BCKDHB: variants seen among roughly 807,000 people sequenced by gnomAD.
BCKDHB encodes branched chain keto acid dehydrogenase E1 subunit beta.
In BCKDHB, 41 loss-of-function variants were observed where a neutral mutation model predicts 48.5. That is an observed-to-expected ratio of 0.85 (90% CI 0.66 to 1.10). BCKDHB has a LOEUF of 1.10. Among genes scored for constraint, BCKDHB ranks in the 50% least tolerant of loss-of-function variants. BCKDHB has a pLI of 0.00. For missense variants in BCKDHB, 496 were observed against 494.2 expected (o/e 1.00, Z -0.03); for synonymous variants, 201 against 174.8 (o/e 1.15, Z -1.18).
Position 80,196,100 on chromosome 6 carries a change from G to A in BCKDHB, c.743-4834G>A, listed in dbSNP as rs1205228688. On this transcript the variant is annotated intron_variant, in intron 6 of 9. Transcript: ENST00000320393. ...AATAGTGTGCTTCACAGGGAAACTT[G>A]TGTTGTTAAGAGTGAGTTGTTATTT... Among the ~76,000 whole-genome samples the A allele has an allele frequency of 2.0e-5, 3 of 152,258 alleles. No individual in the cohort carries two copies. The East Asian group carries it at 5.8e-4, about 29-fold the overall frequency.
rs537680144 is a variant in BCKDHB at position 80,112,949 on chromosome 6, G to A, written c.196+6060G>A. 8.5e-5 allele frequency among the ~76,000 whole-genome samples: 13 copies of A among 152,274 alleles called. No individual in the cohort carries two copies. The South Asian group carries it at 2.1e-3, about 24-fold the overall frequency. ...AAGACCATGCTTTCCCTTGCTTCCCGTTCCACTAGAGTGTTAGCCATGAAC... is the reference window on the plus strand; with the variant it reads ...AAGACCATGCTTTCCCTTGCTTCCCATTCCACTAGAGTGTTAGCCATGAAC... On this transcript the variant is annotated intron_variant, in intron 1 of 9. Transcript: ENST00000320393.
intron 9 of BCKDHB, among the ~76,000 whole-genome samples, chr6:80,339,497 A>T (rs1034099720): frequency 6.6e-6 from 1 of 152,202 alleles, no homozygotes; most frequent in Admixed American, 6.5e-5. Flanking sequence ...GACTTTAATG[A>T]TTTGGAATTG....
Position 80,254,214 on chromosome 6 carries a change from T to C in BCKDHB, c.952-18921T>C, listed in dbSNP as rs1776954689. 2.0e-5 allele frequency among the ~76,000 whole-genome samples: 3 copies of C among 150,384 alleles called. No individual in the cohort carries two copies. In the East Asian group the frequency reaches 5.8e-4, roughly 29 times the overall value. On this transcript the variant is annotated intron_variant, in intron 8 of 9. Coordinates refer to ENST00000320393, the MANE Select transcript of BCKDHB (RefSeq NM_183050.4). Reference sequence around the variant, plus strand: ...TTTATTTACTTTATTATTTTATTATTATTTACTTTATTTCTATTTTATCCT... The same window carrying C: ...TTTATTTACTTTATTATTTTATTATCATTTACTTTATTTCTATTTTATCCT...
At chr6:80,112,711 C>G (rs987592343) in intron 1 of BCKDHB, among the ~76,000 whole-genome samples, 2 of 152,210 alleles carry the variant, frequency 1.3e-5, no homozygotes, top group African/African-American at 4.8e-5. Context: ...AGAACCTCTG[C>G]CGAGGGCGTC....
At chr6:80,442,721 G>A in the BCKDHB span, among the ~76,000 whole-genome samples, 1 of 152,114 alleles carries the variant, frequency 6.6e-6, no homozygotes, top group South Asian at 2.1e-4. Flanking sequence ...AGCTAGTGAG[G>A]GGAGAGTATC....
At chr6:80,225,012 T>G (rs1021401947) in intron 8 of BCKDHB, among the ~76,000 whole-genome samples, 4 of 152,228 alleles carry the variant, frequency 2.6e-5, no homozygotes, top group Non-Finnish European at 5.9e-5. Flanking sequence ...TTTCTCTAAC[T>G]TCCACCTATT....
At chr6:80,422,393 G>A in the BCKDHB span, among the ~76,000 whole-genome samples, 1 of 152,178 alleles carries the variant, frequency 6.6e-6, no homozygotes, top group South Asian at 2.1e-4. Context: ...AACCTCTAGG[G>A]CAATGCAGAG....
downstream of BCKDHB, among the ~76,000 whole-genome samples, chr6:80,348,051 A>T (rs1007051453): frequency 6.6e-6 from 1 of 152,156 alleles, no homozygotes. Flanking sequence ...AGGAAAAAAT[A>T]TAATAACTGC....
chr6:80,420,891 C>A, the BCKDHB span, among the ~76,000 whole-genome samples: 6 of 152,236 alleles, frequency 3.9e-5, no homozygotes, highest in Non-Finnish European at 8.8e-5. Flanking sequence ...CCAAAGTGAT[C>A]TCTCTTAGAA....
the BCKDHB span, among the ~76,000 whole-genome samples, chr6:80,426,832 T>C: frequency 6.6e-6 from 1 of 152,148 alleles, no homozygotes; most frequent in Non-Finnish European, 1.5e-5. Context: ...ATCTGTTAGA[T>C]TAAGTTGGTT....
At chr6:80,383,597 G>A in the BCKDHB span, among the ~76,000 whole-genome samples, 633 of 151,774 alleles carry the variant, frequency 4.2e-3, 3 homozygotes, top group Admixed American at 7.3e-3. Flanking sequence ...TTTAAAATGT[G>A]TCTTTATAGT....
chr6:80,300,406 A>C (rs1039295733), intron 9 of BCKDHB, among the ~76,000 whole-genome samples: 24 of 152,226 alleles, frequency 1.6e-4, no homozygotes, highest in African/African-American at 5.8e-4. Flanking sequence ...AAAAGGAAGG[A>C]CAATGAAGGG....
chr6:80,250,889 A>G (rs1776811743), intron 8 of BCKDHB, among the ~76,000 whole-genome samples: 1 of 152,194 alleles, frequency 6.6e-6, no homozygotes, highest in African/African-American at 2.4e-5. Flanking sequence ...TGAAGATTTA[A>G]TGTAATTATG....
At chr6:80,148,097 C>A (rs765642350) in intron 3 of BCKDHB, among the ~76,000 whole-genome samples, 50 of 152,064 alleles carry the variant, frequency 3.3e-4, no homozygotes, top group Non-Finnish European at 5.7e-4. Flanking sequence ...AGGTTAAATC[C>A]TGTAATATAT....
chr6:80,384,309 C>T, the BCKDHB span, among the ~76,000 whole-genome samples: 1 of 151,894 alleles, frequency 6.6e-6, no homozygotes, highest in African/African-American at 2.4e-5. Flanking sequence ...GCTTTCTGCC[C>T]TTGAACATCG....
chr6:80,198,860 TACTC>T (rs1475407121), intron 6 of BCKDHB, among the ~76,000 whole-genome samples: 15 of 152,318 alleles, frequency 9.8e-5, no homozygotes, highest in East Asian at 5.8e-4. Flanking sequence ...GATAATAAAT[TACTC>T]ACAGATTTCT....
At chr6:80,413,596 C>T in the BCKDHB span, among the ~76,000 whole-genome samples, 1 of 152,138 alleles carries the variant, frequency 6.6e-6, no homozygotes, top group African/African-American at 2.4e-5. Flanking sequence ...TAATGGCATC[C>T]AACTACATTC....
At chr6:80,121,389 A>C (rs1018516082) in intron 1 of BCKDHB, among the ~76,000 whole-genome samples, 2 of 152,086 alleles carry the variant, frequency 1.3e-5, no homozygotes, top group Non-Finnish European at 2.9e-5. Context: ...GTTTTTTCCA[A>C]TTCTGTGAAG....
At chr6:80,436,157 T>TC in the BCKDHB span, among the ~76,000 whole-genome samples, 1 of 112,290 alleles carries the variant, frequency 8.9e-6, no homozygotes, top group Non-Finnish European at 1.7e-5. Flanking sequence ...CTTTTTTTTT[T>TC]TTTTTTTTTT....
Sources: gnomAD v4.1 joint callset for allele counts (sites outside exome capture counted in the v4.1 genomes callset) on GRCh38, gnomAD v4.1.1 for gene constraint, MANE v1.5 for transcripts, NCBI Gene and HGNC (gene_info 2026-07-23, HGNC 2026-07-21) for gene names.